Variants in GEMIN5 observed in about 807,000 individuals in gnomAD.
The protein encoded by GEMIN5 is gem-associated protein 5.
GEMIN5 carries 124 observed loss-of-function variants against 176.9 expected under a neutral mutation model. The observed-to-expected ratio is 0.70, with a 90% CI of 0.61 to 0.81. The LOEUF (loss-of-function observed/expected upper bound fraction) is 0.81, where lower values mean the gene tolerates loss of function less well. Among genes scored for constraint, GEMIN5 ranks in the 40% least tolerant of loss-of-function variants. The pLI, the probability that GEMIN5 is intolerant of heterozygous loss-of-function variation, is 0.00. For synonymous variants in GEMIN5, 673 were observed against 665.2 expected (o/e 1.01, Z -0.18); for missense variants, 1,843 against 1,814.6 (o/e 1.02, Z -0.28).
chr5:154,931,752 C>T (rs1322974712), intron 4 of GEMIN5, 175 bp from the exon 5 acceptor site: 15 of 555,832 alleles, frequency 2.7e-5, no homozygotes, highest in South Asian at 7.4e-5. Flanking sequence ...CAGTGGCTCA[C>T]GCCTGTAATC....
intron 9 of GEMIN5, among the ~76,000 whole-genome samples, chr5:154,924,133 T>C (rs1172587819): frequency 6.6e-6 from 1 of 152,242 alleles, no homozygotes; most frequent in African/African-American, 2.4e-5. Context: ...CTCTGGTGTG[T>C]ATTTTACACT....
chr5:154,934,896 C>T (rs1764237143), intron 3 of GEMIN5, among the ~76,000 whole-genome samples: 1 of 152,228 alleles, frequency 6.6e-6, no homozygotes, highest in South Asian at 2.1e-4. Flanking sequence ...GACTCTACCA[C>T]TCTGACTTAT....
intron 13 of GEMIN5, among the ~76,000 whole-genome samples, chr5:154,915,966 A>C (rs1355016863): frequency 6.6e-6 from 1 of 152,218 alleles, no homozygotes; most frequent in Non-Finnish European, 1.5e-5. Flanking sequence ...TGTAAAAAAA[A>C]ATAAATAATT....
rs748226408 is a variant in GEMIN5, at chr5:154,913,856, C to A, written c.1856-818G>T. Reference sequence around the variant, plus strand: ...ACACAAAAAACAAAAACCAACCTAGCTGGGCATGGTGGTATGTGCCTGTAG... The same window carrying A: ...ACACAAAAAACAAAAACCAACCTAGATGGGCATGGTGGTATGTGCCTGTAG... On this transcript the variant is annotated intron_variant, in intron 13 of 27. Transcript: ENST00000285873. Among the ~76,000 whole-genome samples the A allele has an allele frequency of 1.3e-4, 19 of 151,976 alleles. 1 individual carries two copies. Among genetic ancestry groups the A allele is most frequent in the Non-Finnish European group, 2.2e-4 (15 of 67,968 alleles).
At chr5:154,913,146 C>A in intron 13 of GEMIN5, 108 bp from the exon 14 acceptor site, 5 of 958,574 alleles carry the variant, frequency 5.2e-6, no homozygotes, top group Non-Finnish European at 7.7e-6. Flanking sequence ...TTTTGCCATA[C>A]ACTTTCTAGG....
At chr5:154,913,428 A>C (rs564123016) in intron 13 of GEMIN5, among the ~76,000 whole-genome samples, 1 of 152,348 alleles carries the variant, frequency 6.6e-6, no homozygotes, top group South Asian at 2.1e-4. Flanking sequence ...AAAATGTATA[A>C]TTTGAATATA....
At chr5:154,918,568 C>G (rs963930105) in intron 11 of GEMIN5, among the ~76,000 whole-genome samples, 9 of 152,208 alleles carry the variant, frequency 5.9e-5, no homozygotes, top group African/African-American at 1.7e-4. Context: ...CTGATCCACA[C>G]ATTCAAGTGC....
rs1383841155 is a variant in GEMIN5, at chr5:154,926,015, C to T, written c.1140G>A (p.Gly380=). Residue 380 remains glycine, a synonymous_variant, in exon 8 of 28, where the codon GGG becomes GGA. Coordinates refer to ENST00000285873, the MANE Select transcript of GEMIN5 (RefSeq NM_015465.5). ...ECSWTLPSLG[G]FAYSLAFSSV... ...AAGAGAAAGCCAGGCTGTATGCAAA[C>T]CCACCAAGGGAAGGAAGGGTCCAGC... 6 of 1,613,676 alleles carry T rather than the reference C, an allele frequency of 3.7e-6. No homozygotes were observed. Among genetic ancestry groups the T allele is most frequent in the South Asian group, 3.3e-5 (3 of 91,072 alleles).
intron 24 of GEMIN5, among the ~76,000 whole-genome samples, chr5:154,894,672 C>T (rs978767446): frequency 6.6e-6 from 1 of 151,310 alleles, no homozygotes; most frequent in Non-Finnish European, 1.5e-5. Context: ...TTTGGGAGGC[C>T]GAAGTGGGCA....
chr5:154,902,132 G>A (rs987131780), intron 20 of GEMIN5, among the ~76,000 whole-genome samples: 5 of 151,736 alleles, frequency 3.3e-5, no homozygotes, highest in African/African-American at 1.2e-4. Context: ...AAGAGACAAG[G>A]TCTCATGATG....
At chr5:154,918,272 C>T (rs1763853581) in intron 11 of GEMIN5, among the ~76,000 whole-genome samples, 1 of 152,156 alleles carries the variant, frequency 6.6e-6, no homozygotes, top group East Asian at 1.9e-4. Context: ...GAAATATATA[C>T]TTAATTAAAC....
At chr5:154,908,262 C>T (rs939466709) in intron 15 of GEMIN5, among the ~76,000 whole-genome samples, 1 of 141,806 alleles carries the variant, frequency 7.1e-6, no homozygotes, top group African/African-American at 2.6e-5. Context: ...CTCACCGCAA[C>T]TTCTGCCTCC....
intron 16 of GEMIN5, among the ~76,000 whole-genome samples, chr5:154,906,976 C>T (rs760453847): frequency 7.9e-5 from 12 of 151,974 alleles, no homozygotes; most frequent in Non-Finnish European, 1.8e-4. Flanking sequence ...CAACAGGTCC[C>T]GAGTAAATGT....
rs890516372 is a variant in GEMIN5 at position 154,926,375 on chromosome 5, T to C, written c.1081-301A>G. ...TGGTCTTTCTGTCCTATTATAGCACTGGTAACCCCCTCATTTGGCAAACTC... is the reference window on the plus strand; with the variant it reads ...TGGTCTTTCTGTCCTATTATAGCACCGGTAACCCCCTCATTTGGCAAACTC... On this transcript the variant is annotated intron_variant, in intron 7 of 27. Coordinates refer to ENST00000285873, the MANE Select transcript of GEMIN5 (RefSeq NM_015465.5). 2.6e-5 allele frequency among the ~76,000 whole-genome samples: 4 copies of C among 152,176 alleles called. No homozygotes were observed. In the East Asian group the frequency reaches 7.7e-4, roughly 29 times the overall value.
Position 154,905,352 on chromosome 5 carries a change from TAGA to T in GEMIN5, c.2509+8_2509+10del. The T allele has an allele frequency of 7.5e-7, 1 of 1,332,968 alleles. No individual in the cohort carries two copies. Among genetic ancestry groups the T allele is most frequent in the Non-Finnish European group, 1.1e-6 (1 of 936,868 alleles). The allele number at this position is 1,332,968 out of a possible 1,614,324, so 82.6% of individuals were successfully genotyped here. A position where few individuals can be genotyped will look rare whatever the true frequency, so the allele number is the denominator to read the frequency against. ...TAACAAAATACTGTATTTTAATTAC[TAGA>T]TACCAACCTGGCTTCTCTTTTGGTG... On this transcript the variant is annotated splice_region_variant and intron_variant, in intron 17 of 27. Coordinates refer to ENST00000285873, the MANE Select transcript of GEMIN5 (RefSeq NM_015465.5).
At chr5:154,937,253 T>G (rs1053621097) in intron 1 of GEMIN5, 68 bp from the exon 2 acceptor site, 73 of 1,317,256 alleles carry the variant, frequency 5.5e-5, no homozygotes, top group Non-Finnish European at 7.6e-5. Flanking sequence ...ATCATACTGT[T>G]GTTGGATGAC....
chr5:154,922,766 G>C (rs1428976508), intron 9 of GEMIN5, among the ~76,000 whole-genome samples: 1 of 133,746 alleles, frequency 7.5e-6, no homozygotes, highest in Non-Finnish European at 1.6e-5. Context: ...GCACGATCTC[G>C]GCTCACCGCA....
chr5:154,909,357 G>T (rs1046183432), intron 15 of GEMIN5, among the ~76,000 whole-genome samples: 2 of 151,928 alleles, frequency 1.3e-5, no homozygotes, highest in African/African-American at 2.4e-5. Flanking sequence ...CCACAAGGAA[G>T]AGCTTGTGCT....
chr5:154,926,967 G>A (rs1050629235), intron 7 of GEMIN5, among the ~76,000 whole-genome samples: 2 of 151,668 alleles, frequency 1.3e-5, no homozygotes, highest in Non-Finnish European at 2.9e-5. Context: ...GGAGAATGGC[G>A]TAAAACTGGG....
Sources: gnomAD v4.1 joint callset for allele counts (sites outside exome capture counted in the v4.1 genomes callset) on GRCh38, gnomAD v4.1.1 for gene constraint, MANE v1.5 for transcripts, NCBI Gene and HGNC (gene_info 2026-07-23, HGNC 2026-07-21) for gene names.